SGMS1: variants seen among roughly 807,000 people sequenced by gnomAD.
SGMS1 encodes the protein sphingomyelin synthase 1.
Under a neutral mutation model 46.2 loss-of-function variants are expected in SGMS1, and 13 were observed. The observed-to-expected ratio is 0.28, with a 90% CI of 0.18 to 0.45. The LOEUF (loss-of-function observed/expected upper bound fraction) is 0.45. Ranked by LOEUF, SGMS1 falls within the 20% of genes least tolerant of loss-of-function variation. SGMS1 has a pLI of 1.00. For missense variants in SGMS1, 324 were observed against 519.9 expected (o/e 0.62, Z 3.66); for synonymous variants, 203 against 187.8 (o/e 1.08, Z -0.66).
chr10:50,366,741 A>T (rs897511964), intron 6 of SGMS1, among the ~76,000 whole-genome samples: 3 of 151,980 alleles, frequency 2.0e-5, no homozygotes, highest in African/African-American at 7.2e-5. Flanking sequence ...CATAAGTGAG[A>T]GTTGAACAAT....
At chr10:50,382,715 C>T (rs866720731) in intron 6 of SGMS1, among the ~76,000 whole-genome samples, 27 of 152,184 alleles carry the variant, frequency 1.8e-4, no homozygotes, top group Middle Eastern at 3.4e-3. Context: ...GCCGACAGAT[C>T]TAAGTTACAG....
intron 2 of SGMS1, among the ~76,000 whole-genome samples, chr10:50,523,897 G>A (rs566434406): frequency 1.3e-5 from 2 of 152,342 alleles, no homozygotes; most frequent in East Asian, 1.9e-4. Context: ...CAAGGCACAC[G>A]TGTGCACATG....
At chr10:50,382,604 T>C (rs1203610495) in intron 6 of SGMS1, among the ~76,000 whole-genome samples, 1 of 126,662 alleles carries the variant, frequency 7.9e-6, no homozygotes. Flanking sequence ...ACTTCCCCAC[T>C]CCATTCTGAC....
At chr10:50,458,860 C>T (rs1837229765) in intron 5 of SGMS1, among the ~76,000 whole-genome samples, 1 of 151,700 alleles carries the variant, frequency 6.6e-6, no homozygotes, top group Admixed American at 6.6e-5. Context: ...TTATTTAGCC[C>T]CTTATTGAAA....
intron 3 of SGMS1, among the ~76,000 whole-genome samples, chr10:50,496,012 AT>A (rs1025798261): frequency 3.9e-5 from 6 of 152,208 alleles, no homozygotes; most frequent in Admixed American, 3.3e-4. Context: ...TTTTTTAAAA[AT>A]AAAACAGCAG....
intron 8 of SGMS1, among the ~76,000 whole-genome samples, chr10:50,323,428 C>T (rs781699937): frequency 5.3e-5 from 8 of 152,106 alleles, no homozygotes; most frequent in Admixed American, 1.3e-4. Flanking sequence ...GAGTATCCAC[C>T]AAGTGACAGG....
intron 7 of SGMS1, among the ~76,000 whole-genome samples, chr10:50,337,872 CAAAAAAA>C: frequency 9.7e-6 from 1 of 102,768 alleles, no homozygotes; most frequent in East Asian, 2.9e-4. Context: ...GGTTAAAATA[CAAAAAAA>C]AAAAAAAAAA....
At chr10:50,442,820 T>C (rs1244973690) in intron 5 of SGMS1, among the ~76,000 whole-genome samples, 1 of 152,368 alleles carries the variant, frequency 6.6e-6, no homozygotes, top group East Asian at 1.9e-4. Context: ...AGGTTATCTG[T>C]TTACTCTGCT....
intron 5 of SGMS1, among the ~76,000 whole-genome samples, chr10:50,446,125 C>G (rs1837010057): frequency 6.6e-6 from 1 of 152,030 alleles, no homozygotes; most frequent in South Asian, 2.1e-4. Flanking sequence ...CAATGCGTGC[C>G]CGAAACTTCA....
At chr10:50,617,887 T>TC (rs2131942093) in intron 1 of SGMS1, among the ~76,000 whole-genome samples, 1 of 151,158 alleles carries the variant, frequency 6.6e-6, no homozygotes, top group East Asian at 2.0e-4. Context: ...CTTAATTTTT[T>TC]TTTTTTTTTT....
At chr10:50,364,301 T>C (rs1848299922) in intron 6 of SGMS1, among the ~76,000 whole-genome samples, 3 of 152,178 alleles carry the variant, frequency 2.0e-5, no homozygotes, top group Non-Finnish European at 4.4e-5. Context: ...AGACATGAGT[T>C]GGCAGACTGA....
intron 2 of SGMS1, among the ~76,000 whole-genome samples, chr10:50,575,135 C>T (rs1838372423): frequency 6.6e-6 from 1 of 151,768 alleles, no homozygotes; most frequent in Non-Finnish European, 1.5e-5. Context: ...ATATGGGCAG[C>T]TGTTGTTCTA....
At chr10:50,341,148 A>C in intron 7 of SGMS1, 1 of 331,642 alleles carries the variant, frequency 3.0e-6, no homozygotes, top group Non-Finnish European at 6.0e-6. Context: ...AGATAAACAA[A>C]ACTGCTATAA....
At chr10:50,437,316 G>T (rs1377342632) in intron 5 of SGMS1, among the ~76,000 whole-genome samples, 1 of 152,204 alleles carries the variant, frequency 6.6e-6, no homozygotes, top group African/African-American at 2.4e-5. Context: ...ATCTGTGCAT[G>T]TAACTTGGAA....
At chr10:50,308,915 T>C (rs1428909203) in intron 9 of SGMS1, among the ~76,000 whole-genome samples, 7 of 152,332 alleles carry the variant, frequency 4.6e-5, no homozygotes, top group South Asian at 4.1e-4. Context: ...GGATTCTCAA[T>C]GGGTCCAAGA....
intron 3 of SGMS1, among the ~76,000 whole-genome samples, chr10:50,512,854 T>C (rs1283265898): frequency 1.3e-5 from 2 of 152,204 alleles, no homozygotes; most frequent in African/African-American, 2.4e-5. Flanking sequence ...CTTTGCCACC[T>C]TGCAGTACCC....
chr10:50,473,882 T>C (rs990801116), intron 3 of SGMS1: 7 of 152,266 alleles, frequency 4.6e-5, no homozygotes, highest in African/African-American at 1.7e-4. Flanking sequence ...ATTCAGAAGC[T>C]GGCCAGAAGC....
intron 5 of SGMS1, among the ~76,000 whole-genome samples, chr10:50,453,817 A>AGGGAGGGAGGGAGGGGAGAGG (rs1564918278): frequency 1.2e-4 from 1 of 8,538 alleles, no homozygotes; most frequent in Non-Finnish European, 2.1e-4. Flanking sequence ...GGGAGGGAGG[A>AGGGAGGGAGGGAGGGGAGAGG]AGGGAGGGAG....
At position 50,307,492 on chromosome 10, in the gene SGMS1, G is replaced by A. The variant is rs1178459119; in HGVS notation, c.1063-171C>T. 1.3e-5 allele frequency among the ~76,000 whole-genome samples: 2 copies of A among 152,016 alleles called. No homozygotes were observed. Among genetic ancestry groups the A allele is most frequent in the Non-Finnish European group, 2.9e-5 (2 of 68,028 alleles). On this transcript the variant is annotated intron_variant, in intron 10 of 10. Coordinates refer to ENST00000361781, the MANE Select transcript of SGMS1 (RefSeq NM_147156.4). The surrounding 1 kb of genome is among the most constrained non-coding windows in gnomAD (Gnocchi z 4.2). ...TACACTCCACATTCATCTACAAACT[G>A]AGCCACATCCCAGTAGAAAAACAAC...
Sources: allele counts gnomAD v4.1 joint callset (sites outside exome capture counted in the v4.1 genomes callset), GRCh38; gene constraint gnomAD v4.1.1; non-coding constraint Gnocchi (gnomAD v3.1); transcripts MANE v1.5; gene names NCBI Gene and HGNC (gene_info 2026-07-23, HGNC 2026-07-21).